Variants in CALN1 observed in about 807,000 individuals in gnomAD.
The protein encoded by CALN1 is calcium-binding protein 8.
In CALN1, 17 loss-of-function variants were observed where a neutral mutation model predicts 30.6. The ratio of observed to expected loss-of-function variants is 0.56; its 90% confidence interval spans 0.38 to 0.83. The LOEUF (loss-of-function observed/expected upper bound fraction) is 0.83, where lower values mean the gene tolerates loss of function less well. Among genes scored for constraint, CALN1 ranks in the 40% least tolerant of loss-of-function variants. The probability of loss-of-function intolerance (pLI) is 0.00; values close to 1 mark genes in which losing one functional copy is unlikely to be tolerated. For missense variants in CALN1, 291 were observed against 354.9 expected (o/e 0.82, Z 1.45); for synonymous variants, 156 against 131.4 (o/e 1.19, Z -1.28).
intron 2 of CALN1, among the ~76,000 whole-genome samples, chr7:72,318,323 C>A (rs932995665): frequency 6.6e-6 from 1 of 152,156 alleles, no homozygotes; most frequent in Non-Finnish European, 1.5e-5. Context: ...CATTCTTCTC[C>A]TACTACCAAC....
chr7:72,057,383 CTTTTTT>C (rs60838093), intron 4 of CALN1, among the ~76,000 whole-genome samples: 37 of 101,888 alleles, frequency 3.6e-4, no homozygotes, highest in East Asian at 1.2e-3. Flanking sequence ...TTTAAATGTT[CTTTTTT>C]TTTTTTTTTT....
intron 5 of CALN1, among the ~76,000 whole-genome samples, chr7:72,005,124 C>A (rs1799703633): frequency 6.6e-6 from 1 of 152,156 alleles, no homozygotes; most frequent in Non-Finnish European, 1.5e-5. Context: ...TACCAACCTG[C>A]AAGTGCATTT....
chr7:72,403,191 C>G, intron 2 of CALN1, 60 bp downstream of exon 2: 1 of 1,372,918 alleles, frequency 7.3e-7, no homozygotes, highest in East Asian at 2.5e-5. Context: ...CCCCGCGCCA[C>G]CCCCTACCTG....
chr7:72,164,856 AG>A (rs1427537404), intron 3 of CALN1, among the ~76,000 whole-genome samples: 1 of 151,916 alleles, frequency 6.6e-6, no homozygotes, highest in African/African-American at 2.4e-5. Flanking sequence ...GGTATTTTTT[AG>A]GGTTTTTGTT....
At position 71,783,626 on chromosome 7, in the gene CALN1, G is replaced by C. The variant is rs927192872; in HGVS notation, c.*4149C>G. The C allele has an allele frequency of 6.7e-6, 1 of 149,720 alleles. No homozygotes were observed. The allele number at this position is 149,720 out of a possible 1,614,324, so 9.3% of individuals were successfully genotyped here. ...TTCATTTTCTGTCCATGCCCTCATAGGGCCTCAGGGAAACTGCTAGATTTA... is the reference window on the plus strand; with the variant it reads ...TTCATTTTCTGTCCATGCCCTCATACGGCCTCAGGGAAACTGCTAGATTTA... On this transcript the variant is annotated 3_prime_UTR_variant, in exon 7 of 7. Transcript: ENST00000395275.
At chr7:72,376,088 G>A (rs946667946) in intron 2 of CALN1, among the ~76,000 whole-genome samples, 1 of 152,106 alleles carries the variant, frequency 6.6e-6, no homozygotes, top group Non-Finnish European at 1.5e-5. Flanking sequence ...CCTTTAGTTG[G>A]CTAGTTAATA....
intron 2 of CALN1, among the ~76,000 whole-genome samples, chr7:72,328,985 A>G (rs1199674353): frequency 1.3e-5 from 2 of 152,344 alleles, no homozygotes; most frequent in East Asian, 1.9e-4. Flanking sequence ...GCGTAAGCCA[A>G]CGTGCCCAGC....
intron 2 of CALN1, among the ~76,000 whole-genome samples, chr7:72,305,332 G>C (rs1799576241): frequency 6.6e-6 from 1 of 152,186 alleles, no homozygotes; most frequent in South Asian, 2.1e-4. Context: ...TGTTCTTTCT[G>C]AAAGTAATTA....
At chr7:72,361,241 A>T (rs941808841) in intron 2 of CALN1, among the ~76,000 whole-genome samples, 3 of 152,160 alleles carry the variant, frequency 2.0e-5, no homozygotes, top group African/African-American at 7.2e-5. Flanking sequence ...ATTTCCCCAG[A>T]TCCAAAGGCC....
chr7:72,241,111 G>C (rs1484919862), intron 3 of CALN1, among the ~76,000 whole-genome samples: 1 of 152,138 alleles, frequency 6.6e-6, no homozygotes, highest in African/African-American at 2.4e-5. Context: ...GCACACAGTA[G>C]ATTCTTAGTT....
intron 4 of CALN1, among the ~76,000 whole-genome samples, chr7:72,070,245 C>A (rs1432357148): frequency 6.6e-6 from 1 of 152,184 alleles, no homozygotes; most frequent in Non-Finnish European, 1.5e-5. Flanking sequence ...ATCATTATGG[C>A]ATTCCCATCT....
intron 5 of CALN1, among the ~76,000 whole-genome samples, chr7:71,831,891 A>AC (rs897072028): frequency 6.7e-6 from 1 of 150,172 alleles, no homozygotes; most frequent in Admixed American, 6.7e-5. Flanking sequence ...AAAAAAAAAA[A>AC]AAAAAACAAA....
intron 2 of CALN1, among the ~76,000 whole-genome samples, chr7:72,281,734 A>G (rs1371573654): frequency 6.6e-6 from 1 of 152,170 alleles, no homozygotes; most frequent in Non-Finnish European, 1.5e-5. Flanking sequence ...CATTTTATAA[A>G]TATCTTCCTA....
At chr7:71,992,635 T>C (rs1451515593) in intron 5 of CALN1, among the ~76,000 whole-genome samples, 1 of 152,196 alleles carries the variant, frequency 6.6e-6, no homozygotes, top group Non-Finnish European at 1.5e-5. Flanking sequence ...TGGGATTATA[T>C]GTGTAAGCCA....
At chr7:72,153,022 A>G (rs1018622475) in intron 3 of CALN1, among the ~76,000 whole-genome samples, 2 of 152,218 alleles carry the variant, frequency 1.3e-5, no homozygotes, top group Non-Finnish European at 2.9e-5. Flanking sequence ...CCACTAGAAC[A>G]GGCTAGAACC....
Position 71,786,867 on chromosome 7 carries a change from C to A in CALN1, c.*908G>T. The A allele has an allele frequency of 6.6e-6, 1 of 152,636 alleles. No homozygotes were observed. The allele number at this position is 152,636 out of a possible 1,614,324, so 9.5% of individuals were successfully genotyped here. On this transcript the variant is annotated 3_prime_UTR_variant, in exon 7 of 7. Coordinates refer to ENST00000395275, the MANE Select transcript of CALN1 (RefSeq NM_031468.4). ...CCCTCAACCTGCCTCACCCCTGCCC[C>A]AAAGAAGCAGGGATGAGTGTGGGAG... is the stretch of plus-strand genomic sequence containing the variant.
intron 2 of CALN1, among the ~76,000 whole-genome samples, chr7:72,397,397 G>C (rs1042815117): frequency 3.3e-5 from 5 of 152,138 alleles, no homozygotes; most frequent in African/African-American, 1.2e-4. Flanking sequence ...GAAGGTCACA[G>C]GAGTTGAAGT....
chr7:71,934,296 T>C lies in CALN1; in HGVS notation c.501+89361A>G, dbSNP rs77985832. On this transcript the variant is annotated intron_variant, in intron 5 of 6. Transcript: ENST00000395275. The stretch of plus-strand genomic sequence containing the variant: ...GTGGAATAGAGAAAACTGTGGAAGA[T>C]TGTTAGTACTTATGGGATGTGTGAA... 9.8e-3 allele frequency among the ~76,000 whole-genome samples: 1,498 copies of C among 152,310 alleles called. 29 individuals are homozygous for C. The highest frequency in any genetic ancestry group is 0.034 in the African/African-American group (1,407 of 41,574).
chr7:71,854,509 G>C (rs1342516345), intron 5 of CALN1, among the ~76,000 whole-genome samples: 1 of 152,204 alleles, frequency 6.6e-6, no homozygotes, highest in Admixed American at 6.5e-5. Context: ...GCAAGTTGGT[G>C]ATGTTTGTTC....
Sources: allele counts gnomAD v4.1 joint callset (sites outside exome capture counted in the v4.1 genomes callset), GRCh38; gene constraint gnomAD v4.1.1; transcripts MANE v1.5; gene names NCBI Gene and HGNC (gene_info 2026-07-23, HGNC 2026-07-21).